Variants in CERCAM observed in about 807,000 individuals in gnomAD.
The protein encoded by CERCAM is inactive glycosyltransferase 25 family member 3.
A neutral mutation model predicts 66.0 loss-of-function variants in CERCAM; 59 were observed. That is an observed-to-expected ratio of 0.89 (90% CI 0.73 to 1.11). CERCAM has a LOEUF of 1.11. Ranked by LOEUF, CERCAM falls within the 50% of genes most tolerant of loss-of-function variation. CERCAM has a pLI of 0.00. For missense variants in CERCAM, 840 were observed against 828.3 expected (o/e 1.01, Z -0.17); for synonymous variants, 318 against 343.6 (o/e 0.93, Z 0.83).
At chr9:128,430,534 C>A (rs1474865666) in intron 8 of CERCAM, among the ~76,000 whole-genome samples, 1 of 152,126 alleles carries the variant, frequency 6.6e-6, no homozygotes, top group Non-Finnish European at 1.5e-5. Context: ...GACACCACAT[C>A]CCCCGAGGTC....
chr9:128,420,599 G>C (rs1377886614), upstream of CERCAM: 2 of 195,788 alleles, frequency 1.0e-5, no homozygotes, highest in East Asian at 1.3e-4. This position sits in a 1 kb window ranked among gnomAD's most constrained non-coding sequence, Gnocchi z 5.0. Flanking sequence ...CCGGTCCTCC[G>C]GCCCCTCCGC....
chr9:128,432,649 A>C (rs988649836), intron 9 of CERCAM, among the ~76,000 whole-genome samples: 1 of 152,084 alleles, frequency 6.6e-6, no homozygotes, highest in Non-Finnish European at 1.5e-5. Flanking sequence ...AGCCTCCAAA[A>C]GTGCTGGAAT....
At chr9:128,431,938 C>A (rs1484900014) in intron 9 of CERCAM, 1 of 152,510 alleles carries the variant, frequency 6.6e-6, no homozygotes, top group Non-Finnish European at 1.5e-5. Context: ...AAGGGCAGCC[C>A]TTCCAGGAGA....
At chr9:128,435,984 G>T in intron 12 of CERCAM, 79 bp downstream of exon 12, 1 of 1,428,462 alleles carries the variant, frequency 7.0e-7, no homozygotes. Context: ...CTGTGTCTGG[G>T]GCTGTTTTCC....
At chr9:128,421,138 C>G (rs1833700201) in intron 1 of CERCAM, 64 bp downstream of exon 1, 2 of 1,259,780 alleles carry the variant, frequency 1.6e-6, no homozygotes, top group Non-Finnish European at 1.0e-6. Context: ...ATGGCCCCCG[C>G]CCCCGGCGGC....
chr9:128,423,909 G>A (rs550347238), intron 3 of CERCAM: 37 of 509,800 alleles, frequency 7.3e-5, no homozygotes, highest in Non-Finnish European at 1.2e-4. Flanking sequence ...CCCAGATAAA[G>A]GTCTTAGATC....
At chr9:128,426,543 G>C (rs551005647) in intron 5 of CERCAM, among the ~76,000 whole-genome samples, 1 of 151,652 alleles carries the variant, frequency 6.6e-6, no homozygotes, top group South Asian at 2.1e-4. Flanking sequence ...TGGTGTGAAC[G>C]CAGGAGGCAG....
chr9:128,421,081 G>A lies in CERCAM; in HGVS notation c.197+7G>A. 1 of 1,291,528 alleles carries A rather than the reference G, an allele frequency of 7.7e-7. No homozygotes were observed. 80.0% of individuals were successfully genotyped at this position (1,291,528 alleles called of 1,614,324 possible). On this transcript the variant is annotated splice_region_variant and intron_variant, in intron 1 of 12. Coordinates refer to ENST00000372838, the MANE Select transcript of CERCAM (RefSeq NM_016174.5). ...GGGCCAGGATGGCCCTCTGGTGAGA[G>A]ACCCGGGCATTGGCACCGAGTGGGC...
chr9:128,434,309 G>A lies in CERCAM; in HGVS notation c.1331+80G>A, dbSNP rs1004209976. The A allele has an allele frequency of 1.9e-5, 30 of 1,602,496 alleles. No individual in the cohort carries two copies. Among genetic ancestry groups the A allele is most frequent in the Non-Finnish European group, 2.5e-5 (29 of 1,172,794 alleles). ...CCTTTTCCTGCTTGGGACCCTGGCC[G>A]GCCCATCCCCTGAGAGCCTGGCCCT... On this transcript the variant is annotated intron_variant, in intron 10 of 12. Transcript: ENST00000372838. This position sits in a 1 kb window ranked among gnomAD's most constrained non-coding sequence, Gnocchi z 4.5.
At position 128,429,033 on chromosome 9, in the gene CERCAM, G is replaced by A. The variant is rs1419925972; in HGVS notation, c.1067G>A (p.Gly356Asp). The part of the protein sequence containing the change: ...ISGRVVDAVD[G>D]WMLNSSAIRN... ...GGGAGGGTGGTGGACGCTGTGGATG[G>A]CTGGTGAGCCTGCCTGGTGGGGGGG... Residue 356 changes from glycine to aspartate, a missense_variant, in exon 8 of 13, where the codon GGC (glycine) becomes GAC (aspartate). Physicochemically the swap from Gly to Asp is moderately conservative, Grantham distance 94. Transcript: ENST00000372838. 2 of 1,600,300 alleles carry A rather than the reference G, an allele frequency of 1.2e-6. No individual in the cohort carries two copies. Among genetic ancestry groups the A allele is most frequent in the South Asian group, 1.1e-5 (1 of 88,976 alleles).
At chr9:128,433,750 C>G (rs897732819) in intron 9 of CERCAM, among the ~76,000 whole-genome samples, 1 of 152,190 alleles carries the variant, frequency 6.6e-6, no homozygotes, top group African/African-American at 2.4e-5. Context: ...TGTCCTTGGA[C>G]AGGCAGTTTC....
At chr9:128,421,375 C>T in intron 1 of CERCAM, 1 of 1,144,130 alleles carries the variant, frequency 8.7e-7, no homozygotes, top group Non-Finnish European at 1.1e-6. Context: ...CCCTTTTCAC[C>T]CCAGCCTTCA....
upstream of CERCAM, chr9:128,420,730 AG>A (rs1473358725): frequency 5.2e-5 from 14 of 270,786 alleles, no homozygotes; most frequent in Non-Finnish European, 7.4e-5. The surrounding 1 kb of genome is among the most constrained non-coding windows in gnomAD (Gnocchi z 5.0). Flanking sequence ...ATCCACGCAC[AG>A]GGGTGGGGAG....
intron 9 of CERCAM, 37 bp downstream of exon 9, chr9:128,431,340 G>A: frequency 6.2e-7 from 1 of 1,611,880 alleles, no homozygotes; most frequent in Non-Finnish European, 8.5e-7. Flanking sequence ...CAGCCTTCGG[G>A]GAGAACGGGG....
chr9:128,419,438 G>C (rs894367827), upstream of CERCAM, among the ~76,000 whole-genome samples: 1 of 152,124 alleles, frequency 6.6e-6, no homozygotes, highest in African/African-American at 2.4e-5. Context: ...TGAAGGGGGA[G>C]CCTCCCTCTC....
At chr9:128,426,085 T>G (rs372372947) in intron 5 of CERCAM, among the ~76,000 whole-genome samples, 31 of 152,100 alleles carry the variant, frequency 2.0e-4, no homozygotes, top group African/African-American at 7.5e-4. Context: ...ATTACAGGCG[T>G]GAGCCACCGC....
At chr9:128,425,816 T>A (rs1359770811) in intron 5 of CERCAM, among the ~76,000 whole-genome samples, 2 of 75,452 alleles carry the variant, frequency 2.7e-5, no homozygotes, top group African/African-American at 8.1e-5. Context: ...CAGCCCAGCC[T>A]TTTTTTTTTT....
In CERCAM at chr9:128,423,249, G is replaced by T; in HGVS notation, c.412G>T (p.Ala138Ser). The change falls in exon 3 of 13, where the codon GCC becomes TCC. Residue 138 changes from alanine to serine, a missense_variant. Ala to Ser is a moderately conservative substitution (Grantham distance 99). Transcript: ENST00000372838. Reference protein sequence around the residue: ...EALTFARNWGADYILFADTDN... With the variant: ...EALTFARNWGSDYILFADTDN... ...CCTCACCTTTGCCAGGAACTGGGGG[G>T]CCGACTATATCCTGGTGAGGAAGTC... The T allele has an allele frequency of 1.2e-6, 2 of 1,613,564 alleles. No homozygotes were observed. Among genetic ancestry groups the T allele is most frequent in the Non-Finnish European group, 1.7e-6 (2 of 1,179,626 alleles).
At chr9:128,436,813 A>G (rs895823003) in intron 12 of CERCAM, 36 bp from the exon 13 acceptor site, 1 of 152,332 alleles carries the variant, frequency 6.6e-6, no homozygotes, top group African/African-American at 2.4e-5. Context: ...TCTGACTCTA[A>G]TTCTCTTTCT....
Sources: allele counts gnomAD v4.1 joint callset (sites outside exome capture counted in the v4.1 genomes callset), GRCh38; gene constraint gnomAD v4.1.1; non-coding constraint Gnocchi (gnomAD v3.1); transcripts MANE v1.5; gene names NCBI Gene and HGNC (gene_info 2026-07-23, HGNC 2026-07-21).